EPS8: variants seen among roughly 807,000 people sequenced by gnomAD.
The protein encoded by EPS8 is epidermal growth factor receptor kinase substrate 8.
EPS8 carries 42 observed loss-of-function variants against 103.8 expected under a neutral mutation model. That is an observed-to-expected ratio of 0.40 (90% CI 0.32 to 0.52). The LOEUF (loss-of-function observed/expected upper bound fraction) is 0.52. Among genes scored for constraint, EPS8 ranks in the 20% least tolerant of loss-of-function variants. The pLI is 0.40. For missense variants in EPS8, 969 were observed against 1,005.1 expected, an observed-to-expected ratio of 0.96 and a Z score of 0.49; for synonymous variants, 344 against 344.6, an observed-to-expected ratio of 1.00 and a Z score of 0.02.
chr12:15,787,205 T>A lies in EPS8; in HGVS notation c.-22+1956A>T, dbSNP rs1947320537. On this transcript the variant is annotated intron_variant, in intron 1 of 20. Transcript: ENST00000281172. This position sits in a 1 kb window ranked among gnomAD's most constrained non-coding sequence, Gnocchi z 4.9. Reference sequence around the variant, plus strand: ...AAAAGAGGTATGTAAAAGAAGGGAGTAGAGAGAAGAATAAAAAGCAGTAGG... The same window carrying A: ...AAAAGAGGTATGTAAAAGAAGGGAGAAGAGAGAAGAATAAAAAGCAGTAGG... Among the ~76,000 whole-genome samples the A allele has an allele frequency of 6.6e-6, 1 of 151,704 alleles. No individual in the cohort carries two copies. The highest frequency in any genetic ancestry group is 1.5e-5 in the Non-Finnish European group (1 of 67,922).
chr12:15,691,323 T>C (rs1946168961), intron 1 of EPS8, among the ~76,000 whole-genome samples: 1 of 151,806 alleles, frequency 6.6e-6, no homozygotes, highest in Admixed American at 6.6e-5. Flanking sequence ...GGGGTATTGC[T>C]TGAGGCCAGG....
At chr12:15,694,820 C>A (rs1403290487) in intron 1 of EPS8, among the ~76,000 whole-genome samples, 4 of 152,036 alleles carry the variant, frequency 2.6e-5, no homozygotes, top group South Asian at 2.1e-4. Flanking sequence ...ATTTAAAAGT[C>A]AGTAAATATA....
At position 15,693,799 on chromosome 12, in the gene EPS8, A is replaced by G. The variant is rs1946206204; in HGVS notation, c.-21-10827T>C. 6.6e-6 allele frequency among the ~76,000 whole-genome samples: 1 copy of G among 152,186 alleles called. No individual in the cohort carries two copies. The highest frequency in any genetic ancestry group is 1.5e-5 in the Non-Finnish European group (1 of 68,018). ...CAGGAAACTAACACAGGAACAGAAA[A>G]CCAAACACTGCATATTCTCACTCAT... On this transcript the variant is annotated intron_variant, in intron 1 of 20. Coordinates refer to ENST00000281172, the MANE Select transcript of EPS8 (RefSeq NM_004447.6). The surrounding 1 kb of genome is among the most constrained non-coding windows in gnomAD (Gnocchi z 5.6).
chr12:15,633,191 T>C (rs1945079271), intron 17 of EPS8, among the ~76,000 whole-genome samples: 1 of 152,126 alleles, frequency 6.6e-6, no homozygotes, highest in Non-Finnish European at 1.5e-5. Context: ...AAGAATGAAT[T>C]GTTATTATTA....
At chr12:15,665,712 C>T in intron 8 of EPS8, 44 bp downstream of exon 8, 2 of 1,607,186 alleles carry the variant, frequency 1.2e-6, no homozygotes, top group Non-Finnish European at 1.7e-6. Flanking sequence ...TATGTCCCAA[C>T]CCAAAGTAAG....
intron 8 of EPS8, among the ~76,000 whole-genome samples, chr12:15,663,936 A>ATAAT (rs1478081573): frequency 5.6e-5 from 2 of 35,770 alleles, no homozygotes; most frequent in African/African-American, 2.3e-4. Context: ...AAAAAAAAAA[A>ATAAT]AAAAAAAAAA....
At chr12:15,694,847 AG>A (rs958459958) in intron 1 of EPS8, among the ~76,000 whole-genome samples, 5 of 152,216 alleles carry the variant, frequency 3.3e-5, no homozygotes, top group African/African-American at 1.2e-4. Flanking sequence ...GACTGTGAAT[AG>A]CATTACCTTT....
chr12:15,762,976 T>C lies in EPS8; in HGVS notation c.-22+26185A>G, dbSNP rs143021267. On this transcript the variant is annotated intron_variant, in intron 1 of 20. Transcript: ENST00000281172. The surrounding 1 kb of genome is among the most constrained non-coding windows in gnomAD (Gnocchi z 4.8). ...ACACAAAGGGTAAATGCTTGAGGAA[T>C]AGATAGCCCATTTTCCATGATGTGA... Among the ~76,000 whole-genome samples the C allele has an allele frequency of 1.3e-5, 2 of 152,128 alleles. No homozygotes were observed. Among genetic ancestry groups the C allele is most frequent in the African/African-American group, 4.8e-5 (2 of 41,410 alleles).
chr12:15,768,535 A>C (rs1318776757), intron 1 of EPS8, among the ~76,000 whole-genome samples: 2 of 151,772 alleles, frequency 1.3e-5, no homozygotes, highest in Non-Finnish European at 2.9e-5. Flanking sequence ...ACTAAATATT[A>C]ATTAATAAGA....
At chr12:15,644,405 G>A (rs1247162086) in intron 15 of EPS8, among the ~76,000 whole-genome samples, 1 of 151,980 alleles carries the variant, frequency 6.6e-6, no homozygotes, top group Non-Finnish European at 1.5e-5. Context: ...CAATTAAACT[G>A]TTAAATTTGC....
At chr12:15,660,981 T>C (rs893130833) in intron 9 of EPS8, among the ~76,000 whole-genome samples, 4 of 152,330 alleles carry the variant, frequency 2.6e-5, no homozygotes, top group African/African-American at 9.6e-5. Context: ...ATTCACAATA[T>C]CTGCTCAGAT....
chr12:15,708,108 T>C (rs1041781040), intron 1 of EPS8, among the ~76,000 whole-genome samples: 1 of 152,200 alleles, frequency 6.6e-6, no homozygotes, highest in African/African-American at 2.4e-5. Context: ...ATTAAATGCA[T>C]ATGAAATAAC....
At position 15,727,399 on chromosome 12, in the gene EPS8, T is replaced by G. The variant is rs902374785; in HGVS notation, c.-21-44427A>C. 3.3e-5 allele frequency among the ~76,000 whole-genome samples: 5 copies of G among 152,256 alleles called. No homozygotes were observed. The highest frequency in any genetic ancestry group is 7.2e-5 in the African/African-American group (3 of 41,468). On this transcript the variant is annotated intron_variant, in intron 1 of 20. Coordinates refer to ENST00000281172, the MANE Select transcript of EPS8 (RefSeq NM_004447.6). This position sits in a 1 kb window ranked among gnomAD's most constrained non-coding sequence, Gnocchi z 4.3. The stretch of plus-strand genomic sequence containing the variant: ...CATCCCAAATTCATTGTTTTACTTG[T>G]GTCCATCACTCCTCATTCTTGTGTT...
In EPS8 at chr12:15,760,213, C is replaced by A. The variant is rs1364730463; in HGVS notation, c.-22+28948G>T. ...AACTGGAAAATCTAGAAGAAATGGA[C>A]AAATTCCTAGACACACACAACCTAC... On this transcript the variant is annotated intron_variant, in intron 1 of 20. Coordinates refer to ENST00000281172, the MANE Select transcript of EPS8 (RefSeq NM_004447.6). The surrounding 1 kb of genome is among the most constrained non-coding windows in gnomAD (Gnocchi z 4.5). 6.6e-6 allele frequency among the ~76,000 whole-genome samples: 1 copy of A among 151,828 alleles called. No individual in the cohort carries two copies. The highest frequency in any genetic ancestry group is 1.5e-5 in the Non-Finnish European group (1 of 67,846).
At chr12:15,730,373 G>A (rs1946700755) in intron 1 of EPS8, among the ~76,000 whole-genome samples, 1 of 152,142 alleles carries the variant, frequency 6.6e-6, no homozygotes, top group African/African-American at 2.4e-5. Context: ...AACTTCTGCT[G>A]TCCATCACTG....
At chr12:15,678,796 C>T (rs10846230) in intron 3 of EPS8, among the ~76,000 whole-genome samples, 108,079 of 151,352 alleles carry the variant, frequency 0.71, 40,042 homozygotes, top group East Asian at 0.87. Flanking sequence ...CACCTATAGT[C>T]CCTGCTACTC....
chr12:15,621,185 T>G lies in EPS8; in HGVS notation c.*132A>C. The G allele has an allele frequency of 2.5e-6, 1 of 392,266 alleles. No individual in the cohort carries two copies. Among genetic ancestry groups the G allele is most frequent in the Non-Finnish European group, 4.0e-6 (1 of 249,124 alleles). The allele number at this position is 392,266 out of a possible 1,614,324, so 24.3% of individuals were successfully genotyped here. On this transcript the variant is annotated 3_prime_UTR_variant, in exon 21 of 21. Transcript: ENST00000281172. ...AAGCAAATCCTGTGCTCACTCAGGT[T>G]TGCATGGGTTTTTTTTTATGGTGAT... is the stretch of plus-strand genomic sequence containing the variant.
rs1276346775 is a variant in EPS8 at position 15,769,780 on chromosome 12, G to A, written c.-22+19381C>T. Among the ~76,000 whole-genome samples the A allele has an allele frequency of 2.0e-5, 3 of 151,940 alleles. No homozygotes were observed. ...TCTGATCACAGAGCAAAATAAATTG[G>A]ACACAGTACAAAAATTTCCTGAACT... On this transcript the variant is annotated intron_variant, in intron 1 of 20. Transcript: ENST00000281172. This position sits in a 1 kb window ranked among gnomAD's most constrained non-coding sequence, Gnocchi z 4.6.
chr12:15,639,675 C>T (rs1257884167), intron 17 of EPS8, among the ~76,000 whole-genome samples: 1 of 152,128 alleles, frequency 6.6e-6, no homozygotes, highest in Non-Finnish European at 1.5e-5. Context: ...TGACACCAGG[C>T]ATGAATGTCA....
Sources: gnomAD v4.1 joint callset for allele counts (sites outside exome capture counted in the v4.1 genomes callset) on GRCh38, gnomAD v4.1.1 for gene constraint, Gnocchi (gnomAD v3.1) non-coding constraint, MANE v1.5 for transcripts, NCBI Gene and HGNC (gene_info 2026-07-23, HGNC 2026-07-21) for gene names.